The following CAPN7 variants were observed in gnomAD, a reference collection of about 807,000 sequenced individuals.
CAPN7 encodes calpain 7, also known as calpain-7.
A neutral mutation model predicts 115.2 loss-of-function variants in CAPN7; 72 were observed. That is an observed-to-expected ratio of 0.63 (90% CI 0.52 to 0.76). The LOEUF is 0.76. CAPN7 is among the 30% of genes least tolerant of loss of function. The probability of loss-of-function intolerance (pLI) is 0.00; values close to 1 mark genes in which losing one functional copy is unlikely to be tolerated. For missense variants in CAPN7, 905 were observed against 971.5 expected, an observed-to-expected ratio of 0.93 and a Z score of 0.91; for synonymous variants, 344 against 322.3, an observed-to-expected ratio of 1.07 and a Z score of -0.72.
At chr3:15,239,772 A>T (rs930632175) in intron 12 of CAPN7, among the ~76,000 whole-genome samples, 7 of 152,184 alleles carry the variant, frequency 4.6e-5, no homozygotes, top group African/African-American at 1.7e-4. Flanking sequence ...GAGAGGGTAA[A>T]TGACCCACCC....
chr3:15,247,040 A>C (rs2125012269), intron 18 of CAPN7, among the ~76,000 whole-genome samples: 1 of 152,348 alleles, frequency 6.6e-6, no homozygotes, highest in South Asian at 2.1e-4. Context: ...GATGAACCTT[A>C]AAAGTAGCAT....
intron 2 of CAPN7, among the ~76,000 whole-genome samples, chr3:15,216,880 C>T (rs559500305): frequency 6.6e-6 from 1 of 152,118 alleles, no homozygotes; most frequent in Admixed American, 6.5e-5. Context: ...TATTCTTTAT[C>T]TCTGATGTCT....
At chr3:15,220,421 T>C (rs1271663484) in intron 4 of CAPN7, among the ~76,000 whole-genome samples, 1 of 152,228 alleles carries the variant, frequency 6.6e-6, no homozygotes, top group African/African-American at 2.4e-5. Context: ...TTCATTTGCA[T>C]GTAATACTTT....
chr3:15,209,778 C>G (rs997851607), intron 1 of CAPN7, among the ~76,000 whole-genome samples: 2 of 152,128 alleles, frequency 1.3e-5, no homozygotes, highest in Non-Finnish European at 2.9e-5. Flanking sequence ...CTATGCACTG[C>G]CCCTTGTTTC....
chr3:15,217,047 G>A, intron 2 of CAPN7, among the ~76,000 whole-genome samples: 1 of 150,870 alleles, frequency 6.6e-6, no homozygotes, highest in Non-Finnish European at 1.5e-5. Context: ...AGACCAGCCT[G>A]GGCAACATGG....
chr3:15,213,856 C>T (rs531929994), intron 2 of CAPN7, among the ~76,000 whole-genome samples: 1 of 151,436 alleles, frequency 6.6e-6, no homozygotes, highest in Non-Finnish European at 1.5e-5. Context: ...AAAGACTTGC[C>T]AGTGAAATAG....
chr3:15,226,167 C>G (rs1007807809), intron 6 of CAPN7, among the ~76,000 whole-genome samples: 17 of 152,160 alleles, frequency 1.1e-4, no homozygotes, highest in African/African-American at 4.1e-4. Context: ...CCTCCGTCTC[C>G]CAGATTCAAG....
chr3:15,230,658 T>C (rs552858234), intron 9 of CAPN7, 123 bp downstream of exon 9: 3 of 596,446 alleles, frequency 5.0e-6, no homozygotes, highest in East Asian at 2.6e-5. Flanking sequence ...GTCTGTGATA[T>C]TATATATTAC....
intron 19 of CAPN7, among the ~76,000 whole-genome samples, chr3:15,248,175 TAAAA>T (rs940882380): frequency 2.0e-5 from 3 of 150,544 alleles, no homozygotes; most frequent in East Asian, 1.9e-4. Flanking sequence ...TAAAGTATAA[TAAAA>T]AAATAAATAA....
chr3:15,235,586 CTG>C (rs1238077899), intron 12 of CAPN7, among the ~76,000 whole-genome samples: 1 of 152,140 alleles, frequency 6.6e-6, no homozygotes, highest in Admixed American at 6.5e-5. Flanking sequence ...CAGGATAAAA[CTG>C]TTTTACCTCA....
At chr3:15,208,769 G>C (rs952469545) in intron 1 of CAPN7, among the ~76,000 whole-genome samples, 2 of 152,158 alleles carry the variant, frequency 1.3e-5, no homozygotes, top group African/African-American at 4.8e-5. Context: ...AAATCAAAGG[G>C]TATGAGCTTC....
intron 19 of CAPN7, 150 bp downstream of exon 19, chr3:15,247,607 C>T (rs1695744041): frequency 1.9e-6 from 1 of 524,482 alleles, no homozygotes; most frequent in African/African-American, 2.0e-5. Context: ...ACAATCTTTT[C>T]AATAAATGGT....
In CAPN7 at chr3:15,246,747, A is replaced by T. The variant is rs777373722; in HGVS notation, c.2026A>T (p.Ser676Cys). 4 of 1,606,954 alleles carry T rather than the reference A, an allele frequency of 2.5e-6. No homozygotes were observed. Among genetic ancestry groups the T allele is most frequent in the Non-Finnish European group, 2.6e-6 (3 of 1,174,666 alleles). ...HYTVRVYSACSFTFSKIPSPY... is the reference protein window; with the variant it reads ...HYTVRVYSACCFTFSKIPSPY... ...TTAAATCTAGGTATATTCAGCATGC[A>T]GCTTTACTTTTTCAAAGATTCCTTC... The change falls in exon 18 of 21, where the codon AGC becomes TGC. Residue 676 changes from serine to cysteine, a missense_variant. Ser to Cys is a moderately radical substitution (Grantham distance 112). Coordinates refer to ENST00000253693, the MANE Select transcript of CAPN7 (RefSeq NM_014296.3).
At chr3:15,232,377 G>T in intron 9 of CAPN7, 142 bp from the exon 10 acceptor site, 1 of 595,792 alleles carries the variant, frequency 1.7e-6, no homozygotes, top group Non-Finnish European at 2.8e-6. Context: ...TAATTGGTAT[G>T]ATTCTAGAAA....
intron 5 of CAPN7, 124 bp downstream of exon 5, chr3:15,221,105 T>C: frequency 1.5e-6 from 1 of 673,022 alleles, no homozygotes; most frequent in Middle Eastern, 3.9e-4. Flanking sequence ...TGTTATTATG[T>C]AATTATATCA....
At chr3:15,218,606 A>G in intron 4 of CAPN7, 66 bp downstream of exon 4, 1 of 1,146,500 alleles carries the variant, frequency 8.7e-7, no homozygotes, top group Non-Finnish European at 1.3e-6. Flanking sequence ...AAATTTATCT[A>G]AATGTGTTGT....
At chr3:15,250,808 A>G (rs1199543320) in intron 19 of CAPN7, 123 bp from the exon 20 acceptor site, 5 of 675,248 alleles carry the variant, frequency 7.4e-6, no homozygotes, top group South Asian at 3.9e-5. Flanking sequence ...TAGAGTGTGT[A>G]TGTTTCTACT....
rs1696018963 is a variant in CAPN7 at position 15,251,869 on chromosome 3, C to T, written c.*609C>T. Reference sequence around the variant, plus strand: ...TAGACTACCTTAGCATGAAGATGCTCATGCCTAAGAATGAAAATTGTTGAG... The same window carrying T: ...TAGACTACCTTAGCATGAAGATGCTTATGCCTAAGAATGAAAATTGTTGAG... On this transcript the variant is annotated 3_prime_UTR_variant, in exon 21 of 21. Transcript: ENST00000253693. 1 of 152,156 alleles carries T rather than the reference C, an allele frequency of 6.6e-6. No homozygotes were observed. The highest frequency in any genetic ancestry group is 6.5e-5 in the Admixed American group (1 of 15,270). 9.4% of individuals were successfully genotyped at this position (152,156 alleles called of 1,614,324 possible).
Position 15,212,208 on chromosome 3 carries a change from A to T in CAPN7, c.207A>T (p.Ser69=). The change falls in exon 2 of 21, where the codon TCA becomes TCT. Residue 69 remains serine, a synonymous_variant. Transcript: ENST00000253693. ...TGGAAAGAGTTCAAGCTCTACATTC[A>T]GCAGGTTAGTAAAGGACTACTAAAC... is the stretch of plus-strand genomic sequence containing the variant. ...EYLERVQALH[S]AVQSKSADPL... is the part of the protein sequence containing the mutation. The T allele has an allele frequency of 6.3e-7, 1 of 1,575,868 alleles. No individual in the cohort carries two copies. Among genetic ancestry groups the T allele is most frequent in the South Asian group, 1.1e-5 (1 of 88,378 alleles).
Sources: allele counts gnomAD v4.1 joint callset (sites outside exome capture counted in the v4.1 genomes callset), GRCh38; gene constraint gnomAD v4.1.1; transcripts MANE v1.5; gene names NCBI Gene and HGNC (gene_info 2026-07-23, HGNC 2026-07-21).